ZNF93: variants seen among roughly 807,000 people sequenced by gnomAD.
ZNF93 encodes the protein zinc finger protein 93, also known as zinc finger protein 505.
Under a neutral mutation model 45.0 loss-of-function variants are expected in ZNF93, and 29 were observed. The ratio of observed to expected loss-of-function variants is 0.64; its 90% confidence interval spans 0.48 to 0.88. The LOEUF (loss-of-function observed/expected upper bound fraction) is 0.88, where lower values mean the gene tolerates loss of function less well. Ranked by LOEUF, ZNF93 falls within the 40% of genes least tolerant of loss-of-function variation. ZNF93 has a pLI of 0.00. For synonymous variants in ZNF93, 223 were observed against 244.6 expected, an observed-to-expected ratio of 0.91 and a Z score of 0.82; for missense variants, 578 against 724.0, an observed-to-expected ratio of 0.80 and a Z score of 2.31.
chr19:19,929,026 AC>A (rs1487218125), intron 3 of ZNF93, among the ~76,000 whole-genome samples: 1 of 152,070 alleles, frequency 6.6e-6, no homozygotes, highest in Non-Finnish European at 1.5e-5. Context: ...CTGGTGGGAC[AC>A]GTTTGGGTCA....
intron 2 of ZNF93, 109 bp downstream of exon 2, chr19:19,915,515 C>G: frequency 1.4e-6 from 2 of 1,390,822 alleles, no homozygotes; most frequent in Non-Finnish European, 1.9e-6. Context: ...AGTTTCAGAT[C>G]CATTTTTTCC....
At position 19,916,537 on chromosome 19, in the gene ZNF93, GTTAT is replaced by G; in HGVS notation, c.131-17_131-14del. 1 of 1,587,194 alleles carries G rather than the reference GTTAT, an allele frequency of 6.3e-7. No individual in the cohort carries two copies. The highest frequency in any genetic ancestry group is 8.6e-7 in the Non-Finnish European group (1 of 1,157,524). ...ATTGGAGAATATGAGCAAGATTCAT[GTTAT>G]TTATTCTTAACAAAACAGGTATTGT... On this transcript the variant is annotated intron_variant, in intron 2 of 3. Transcript: ENST00000343769.
intron 3 of ZNF93, among the ~76,000 whole-genome samples, chr19:19,917,445 A>G (rs904841303): frequency 2.0e-5 from 3 of 151,784 alleles, no homozygotes; most frequent in Non-Finnish European, 4.4e-5. Context: ...GTTTTTTTTA[A>G]TGCTACATTA....
intron 3 of ZNF93, among the ~76,000 whole-genome samples, chr19:19,931,304 C>G (rs2063373635): frequency 6.6e-6 from 1 of 152,020 alleles, no homozygotes; most frequent in Non-Finnish European, 1.5e-5. Context: ...ATTCTCCTGC[C>G]TCAGCCCCCT....
rs1367394895 is a variant in ZNF93, at chr19:19,935,416, A to C, written c.*598A>C. On this transcript the variant is annotated 3_prime_UTR_variant, in exon 4 of 4. Transcript: ENST00000343769. ...CCCAACGAAAGATCTTTACCTTCTA[A>C]CATCAGTTTATGAAAACTTGAAAAG... 1 of 152,592 alleles carries C rather than the reference A, an allele frequency of 6.6e-6. No individual in the cohort carries two copies. Among genetic ancestry groups the C allele is most frequent in the African/African-American group, 2.4e-5 (1 of 41,458 alleles). 9.5% of individuals were successfully genotyped at this position (152,592 alleles called of 1,614,324 possible).
At chr19:19,910,184 G>C (rs573270035) in intron 1 of ZNF93, among the ~76,000 whole-genome samples, 10 of 152,038 alleles carry the variant, frequency 6.6e-5, no homozygotes, top group African/African-American at 2.2e-4. Flanking sequence ...CCCTAAACTT[G>C]AAGCTCCAAA....
intron 1 of ZNF93, among the ~76,000 whole-genome samples, chr19:19,906,350 C>G (rs887535578): frequency 6.6e-6 from 1 of 152,048 alleles, no homozygotes; most frequent in African/African-American, 2.4e-5. Context: ...AGCATCTGTT[C>G]ATGGTTATTT....
intron 3 of ZNF93, among the ~76,000 whole-genome samples, chr19:19,931,334 T>A (rs2063373763): frequency 6.6e-6 from 1 of 151,914 alleles, no homozygotes; most frequent in Non-Finnish European, 1.5e-5. Context: ...GGATTACAGG[T>A]GCATGCCACC....
At chr19:19,914,510 G>T (rs59287671) in intron 1 of ZNF93, among the ~76,000 whole-genome samples, 13 of 152,166 alleles carry the variant, frequency 8.5e-5, no homozygotes, top group East Asian at 3.9e-4. Flanking sequence ...TAACACATCA[G>T]AAAAATTTGT....
intron 2 of ZNF93, among the ~76,000 whole-genome samples, chr19:19,915,667 C>A (rs1674499284): frequency 6.6e-6 from 1 of 151,938 alleles, no homozygotes; most frequent in South Asian, 2.1e-4. Context: ...ATGGTCAAAC[C>A]CCATCTCTAC....
intron 3 of ZNF93, chr19:19,932,582 G>A (rs924334955): frequency 6.6e-6 from 1 of 152,084 alleles, no homozygotes; most frequent in Non-Finnish European, 1.5e-5. Context: ...TGAATGATTT[G>A]GTGACACAAA....
At chr19:19,904,856 A>G (rs1195302775) in intron 1 of ZNF93, among the ~76,000 whole-genome samples, 2 of 152,200 alleles carry the variant, frequency 1.3e-5, no homozygotes, top group East Asian at 3.8e-4. Context: ...AGCTGCCACC[A>G]CAGGATTCCC....
At chr19:19,932,907 G>T in intron 3 of ZNF93, 1 of 208,310 alleles carries the variant, frequency 4.8e-6, no homozygotes, top group South Asian at 1.7e-4. Context: ...TAAATCTGTA[G>T]ATTAAATTGA....
At position 19,926,992 on chromosome 19, in the gene ZNF93, G is replaced by C. The variant is rs534220741; in HGVS notation, c.227-6190G>C. ...GAAAGAAACACTTTTGTGATTTGAAGGTAATTTTCAAAAAGATTTATAATT... is the reference window on the plus strand; with the variant it reads ...GAAAGAAACACTTTTGTGATTTGAACGTAATTTTCAAAAAGATTTATAATT... On this transcript the variant is annotated intron_variant, in intron 3 of 3. Transcript: ENST00000343769. The C allele has an allele frequency of 1.0e-5, 4 of 393,976 alleles. No individual in the cohort carries two copies. In the East Asian group the frequency reaches 1.4e-4, roughly 14 times the overall value. 24.4% of individuals were successfully genotyped at this position (393,976 alleles called of 1,614,324 possible).
chr19:19,929,651 T>A (rs1434902284), intron 3 of ZNF93, among the ~76,000 whole-genome samples: 1 of 152,078 alleles, frequency 6.6e-6, no homozygotes, highest in Non-Finnish European at 1.5e-5. Flanking sequence ...AGATAAGAGA[T>A]TGTAGGGCCG....
rs757925637 is a variant in ZNF93, at chr19:19,934,663, T to C, written c.1708T>C (p.Cys570Arg). The C allele has an allele frequency of 1.1e-5, 18 of 1,613,752 alleles. No individual in the cohort carries two copies. The South Asian group carries it at 1.9e-4, about 17-fold the overall frequency. ...TGEKPYRCRE[C>R]GKAFNHSATL... The stretch of plus-strand genomic sequence containing the variant: ...AGAGAAACCTTATAGATGTAGAGAA[T>C]GTGGCAAAGCTTTTAACCATTCTGC... The change falls in exon 4 of 4, where the codon TGT (cysteine) becomes CGT (arginine). Residue 570 changes from cysteine (C) to arginine (R), a missense_variant. By Grantham distance (180) the Cys-to-Arg change is radical. Coordinates refer to ENST00000343769, the MANE Select transcript of ZNF93 (RefSeq NM_031218.4).
At chr19:19,911,815 T>A (rs917255671) in intron 1 of ZNF93, among the ~76,000 whole-genome samples, 4 of 152,028 alleles carry the variant, frequency 2.6e-5, no homozygotes, top group Non-Finnish European at 5.9e-5. Flanking sequence ...AGTGGCACGA[T>A]CTCGGCTCAC....
chr19:19,933,272 G>T lies in ZNF93; in HGVS notation c.317G>T (p.Arg106Leu), dbSNP rs779005314. 1 of 1,611,654 alleles carries T rather than the reference G, an allele frequency of 6.2e-7. No homozygotes were observed. The highest frequency in any genetic ancestry group is 2.2e-5 in the East Asian group (1 of 44,800). ...QKVILRRYEK[R>L]GHGNLQLIKR... The stretch of plus-strand genomic sequence containing the variant: ...GTGATACTGAGAAGATATGAAAAAC[G>T]TGGACATGGAAATTTACAGTTAATA... Residue 106 changes from arginine (R) to leucine (L), a missense_variant, in exon 4 of 4, where the codon CGT (arginine) becomes CTT (leucine). This residue lies in a region of ZNF93 where 446 missense variants were observed against 547.6 expected (regional missense o/e 0.81). Coordinates refer to ENST00000343769, the MANE Select transcript of ZNF93 (RefSeq NM_031218.4).
chr19:19,929,783 A>G (rs913392706), intron 3 of ZNF93, among the ~76,000 whole-genome samples: 13 of 151,078 alleles, frequency 8.6e-5, no homozygotes, highest in African/African-American at 2.9e-4. Flanking sequence ...CTAAAAATAC[A>G]AAAAATTAGC....
Sources: gnomAD v4.1 joint callset for allele counts (sites outside exome capture counted in the v4.1 genomes callset) on GRCh38, gnomAD v4.1.1 for gene constraint, gnomAD v4.1.1 regional missense constraint, MANE v1.5 for transcripts, NCBI Gene and HGNC (gene_info 2026-07-23, HGNC 2026-07-21) for gene names.